PAPPA2: variants seen among roughly 807,000 people sequenced by gnomAD.
PAPPA2 encodes the protein pappalysin 2, also known as pappalysin-2.
In PAPPA2, 86 loss-of-function variants were observed where a neutral mutation model predicts 176.4. The ratio of observed to expected loss-of-function variants is 0.49; its 90% CI spans 0.41 to 0.58. The LOEUF (loss-of-function observed/expected upper bound fraction) is 0.58, where lower values mean the gene tolerates loss of function less well. Ranked by LOEUF, PAPPA2 falls within the 20% of genes least tolerant of loss-of-function variation. PAPPA2 has a pLI of 0.00. For missense variants in PAPPA2, 2,073 were observed against 2,256.9 expected (o/e 0.92, Z 1.65); for synonymous variants, 809 against 852.2 (o/e 0.95, Z 0.88).
intron 1 of PAPPA2, among the ~76,000 whole-genome samples, chr1:176,500,386 TC>T (rs1647886868): frequency 6.6e-6 from 1 of 151,456 alleles, no homozygotes; most frequent in African/African-American, 2.4e-5. Flanking sequence ...AAAAAACATT[TC>T]AATTTCCTAA....
Position 176,595,533 on chromosome 1 carries a change from C to T in PAPPA2, c.1929C>T (p.Asp643=), listed in dbSNP as rs1485698821. The T allele has an allele frequency of 6.2e-7, 1 of 1,614,182 alleles. No homozygotes were observed. The highest frequency in any genetic ancestry group is 1.7e-5 in the Admixed American group (1 of 60,020). ...NNMLNDFDDG[D]CCDPQVADVR... ...TGCTGAACGACTTTGACGACGGAGA[C>T]TGCTGCGACCCCCAGGTGGCTGATG... Residue 643 remains aspartate, a synonymous_variant, in exon 3 of 23, where the codon GAC becomes GAT. Coordinates refer to ENST00000367662, the MANE Select transcript of PAPPA2 (RefSeq NM_020318.3).
At chr1:176,487,591 C>G (rs1032696734) in intron 1 of PAPPA2, among the ~76,000 whole-genome samples, 3 of 152,164 alleles carry the variant, frequency 2.0e-5, no homozygotes, top group African/African-American at 7.2e-5. Context: ...TCTGCAACAG[C>G]TAGACCTGGT....
intron 6 of PAPPA2, 141 bp from the exon 7 acceptor site, chr1:176,695,597 A>T: frequency 1.1e-6 from 1 of 918,032 alleles, no homozygotes; most frequent in Non-Finnish European, 1.6e-6. Flanking sequence ...CGATTGAGAT[A>T]CAGTTGTTCT....
chr1:176,788,414 G>A (rs541030830), intron 17 of PAPPA2, among the ~76,000 whole-genome samples: 7 of 152,140 alleles, frequency 4.6e-5, no homozygotes, highest in African/African-American at 1.7e-4. Context: ...AAGGGTTGGT[G>A]GGCATATTTA....
chr1:176,809,211 T>C (rs1229393330), intron 21 of PAPPA2, among the ~76,000 whole-genome samples: 1 of 152,230 alleles, frequency 6.6e-6, no homozygotes, highest in Non-Finnish European at 1.5e-5. Flanking sequence ...TTTATATTTG[T>C]ATTATCTTAA....
intron 1 of PAPPA2, among the ~76,000 whole-genome samples, chr1:176,485,539 A>C (rs1652608558): frequency 6.6e-6 from 1 of 152,178 alleles, no homozygotes; most frequent in Non-Finnish European, 1.5e-5. Flanking sequence ...ATATATTTTT[A>C]AAGAATTGTT....
In PAPPA2 at chr1:176,690,361, C is replaced by G. The variant is rs373537575; in HGVS notation, c.2362C>G (p.Pro788Ala). Reference protein sequence around the residue: ...PKSELCREPEPTSDTCGFTRF... With the variant: ...PKSELCREPEATSDTCGFTRF... Reference sequence around the variant, plus strand: ...GAGTGAGCTGTGCCGGGAACCAGAGCCCACTAGTGACACCTGTGGCTTCAC... The same window carrying G: ...GAGTGAGCTGTGCCGGGAACCAGAGGCCACTAGTGACACCTGTGGCTTCAC... The change falls in exon 5 of 23, where the codon CCC (proline) becomes GCC (alanine). Residue 788 changes from proline (P) to alanine (A), a missense_variant. Pro to Ala is a conservative substitution (Grantham distance 27). Around this residue, in one of 4 missense-constraint regions of PAPPA2, gnomAD observed 1,196 missense variants for 1,330.4 expected, o/e 0.90. Coordinates refer to ENST00000367662, the MANE Select transcript of PAPPA2 (RefSeq NM_020318.3). 6.2e-7 allele frequency: 1 copy of G among 1,614,032 alleles called. No homozygotes were observed. Among genetic ancestry groups the G allele is most frequent in the Non-Finnish European group, 8.5e-7 (1 of 1,180,022 alleles).
chr1:176,546,464 A>G (rs1050971493), intron 1 of PAPPA2, among the ~76,000 whole-genome samples: 4 of 152,068 alleles, frequency 2.6e-5, no homozygotes, highest in African/African-American at 7.2e-5. Flanking sequence ...CTATTAGTCA[A>G]AAAAAATAGT....
intron 3 of PAPPA2, among the ~76,000 whole-genome samples, chr1:176,598,041 T>G (rs984388531): frequency 6.6e-6 from 1 of 152,176 alleles, no homozygotes; most frequent in African/African-American, 2.4e-5. Flanking sequence ...TAAGTGACTC[T>G]TTTACCCCCC....
intron 15 of PAPPA2, among the ~76,000 whole-genome samples, 179 bp from the exon 16 acceptor site, chr1:176,769,428 T>TTTACAACA (rs1323014493): frequency 4.6e-5 from 7 of 152,298 alleles, no homozygotes; most frequent in African/African-American, 1.7e-4. Context: ...ATCAGCATCA[T>TTTACAACA]ACTGAGTGTT....
chr1:176,739,576 T>C, intron 12 of PAPPA2, 50 bp from the exon 13 acceptor site: 1 of 1,569,592 alleles, frequency 6.4e-7, no homozygotes, highest in Non-Finnish European at 8.7e-7. Context: ...GCACATGTCT[T>C]GATAGCTCAA....
chr1:176,617,413 C>T lies in PAPPA2; in HGVS notation c.1991+21818C>T, dbSNP rs562214145. On this transcript the variant is annotated intron_variant, in intron 3 of 22. Transcript: ENST00000367662. ...GTGATTTCTGAGATTTTGGTGCATCCGTCACATGAGCAGTGTACACTGTAC... is the reference window on the plus strand; with the variant it reads ...GTGATTTCTGAGATTTTGGTGCATCTGTCACATGAGCAGTGTACACTGTAC... Among the ~76,000 whole-genome samples, 26 of 152,066 alleles carry T rather than the reference C, an allele frequency of 1.7e-4. No individual in the cohort carries two copies. The South Asian group carries it at 4.8e-3, about 28-fold the overall frequency.
At chr1:176,687,880 A>G (rs115545366) in intron 4 of PAPPA2, among the ~76,000 whole-genome samples, 1 of 152,280 alleles carries the variant, frequency 6.6e-6, no homozygotes, top group Non-Finnish European at 1.5e-5. Context: ...GTAAAACTCA[A>G]TTGATGAAGG....
At chr1:176,647,493 A>G (rs1249964131) in intron 3 of PAPPA2, among the ~76,000 whole-genome samples, 1 of 151,504 alleles carries the variant, frequency 6.6e-6, no homozygotes, top group Non-Finnish European at 1.5e-5. Flanking sequence ...AGCCCAGTCC[A>G]ATGCCATGAA....
At chr1:176,604,661 C>T (rs997188680) in intron 3 of PAPPA2, among the ~76,000 whole-genome samples, 6 of 152,192 alleles carry the variant, frequency 3.9e-5, no homozygotes, top group African/African-American at 1.4e-4. Flanking sequence ...AAAAAAACTG[C>T]CAACCCCTGC....
At chr1:176,506,250 T>C (rs2102516270) in intron 1 of PAPPA2, among the ~76,000 whole-genome samples, 1 of 152,288 alleles carries the variant, frequency 6.6e-6, no homozygotes, top group South Asian at 2.1e-4. Flanking sequence ...TTGGTTATTA[T>C]TGCCTTATAG....
At chr1:176,572,066 C>T (rs143577536) in intron 2 of PAPPA2, among the ~76,000 whole-genome samples, 2 of 152,208 alleles carry the variant, frequency 1.3e-5, no homozygotes, top group Non-Finnish European at 2.9e-5. Flanking sequence ...GCAGTGAGAC[C>T]CAGAGAGGGA....
intron 1 of PAPPA2, among the ~76,000 whole-genome samples, chr1:176,511,029 TAAG>T (rs138964301): frequency 8.3e-4 from 127 of 152,192 alleles, no homozygotes; most frequent in African/African-American, 3.0e-3. Context: ...ATAATCATAA[TAAG>T]TGTATACTTT....
At chr1:176,564,729 T>C (rs1296816356) in intron 2 of PAPPA2, among the ~76,000 whole-genome samples, 1 of 151,566 alleles carries the variant, frequency 6.6e-6, no homozygotes, top group African/African-American at 2.4e-5. Context: ...TTTCTTTTTT[T>C]TTTTTTTTTT....
Sources: gnomAD v4.1 joint callset for allele counts (sites outside exome capture counted in the v4.1 genomes callset) on GRCh38, gnomAD v4.1.1 for gene constraint, gnomAD v4.1.1 regional missense constraint, MANE v1.5 for transcripts, NCBI Gene and HGNC (gene_info 2026-07-23, HGNC 2026-07-21) for gene names.